The following PHTF1 variants were observed in gnomAD, a reference collection of about 807,000 sequenced individuals.
PHTF1 encodes putative homeodomain transcription factor 1.
A neutral mutation model predicts 102.4 loss-of-function variants in PHTF1; 88 were observed. The ratio of observed to expected loss-of-function variants is 0.86; its 90% CI spans 0.72 to 1.03. The LOEUF is 1.03. Among genes scored for constraint, PHTF1 ranks in the 50% least tolerant of loss-of-function variants. The probability of loss-of-function intolerance (pLI) is 0.00; values close to 1 mark genes in which losing one functional copy is unlikely to be tolerated. For synonymous variants in PHTF1, 289 were observed against 305.2 expected (o/e 0.95, Z 0.55); for missense variants, 814 against 909.5 (o/e 0.89, Z 1.35).
At chr1:113,722,167 C>T (rs568168513) in intron 7 of PHTF1, among the ~76,000 whole-genome samples, 10 of 151,932 alleles carry the variant, frequency 6.6e-5, no homozygotes, top group South Asian at 6.2e-4. Context: ...TTGAAGAGAA[C>T]GCAGCCGGGC....
rs758995109 is a variant in PHTF1, at chr1:113,704,050, T to C, written c.1890+31A>G. 24 of 1,444,866 alleles carry C rather than the reference T, an allele frequency of 1.7e-5. No individual in the cohort carries two copies. The East Asian group carries it at 5.0e-4, about 30-fold the overall frequency. 89.5% of individuals were successfully genotyped at this position (1,444,866 alleles called of 1,614,324 possible). On this transcript the variant is annotated intron_variant, in intron 15 of 18. Transcript: ENST00000369604. ...AGTGAACTCTATAATAGAATTTTCATTTTTCCTTAAAGCAGATGTGAAACT... is the reference window on the plus strand; with the variant it reads ...AGTGAACTCTATAATAGAATTTTCACTTTTCCTTAAAGCAGATGTGAAACT...
intron 7 of PHTF1, among the ~76,000 whole-genome samples, chr1:113,720,084 G>A (rs560684817): frequency 8.5e-5 from 13 of 152,266 alleles, no homozygotes; most frequent in Admixed American, 4.6e-4. Flanking sequence ...CCTGCAATAC[G>A]TGGGAATTCT....
intron 7 of PHTF1, among the ~76,000 whole-genome samples, chr1:113,716,403 G>A (rs1266853640): frequency 2.4e-5 from 3 of 125,372 alleles, no homozygotes; most frequent in Non-Finnish European, 4.7e-5. Context: ...GGAGTTCACT[G>A]TCACAATTAC....
At chr1:113,750,851 A>AG (rs1657973474) in intron 3 of PHTF1, among the ~76,000 whole-genome samples, 1 of 152,114 alleles carries the variant, frequency 6.6e-6, no homozygotes, top group South Asian at 2.1e-4. Flanking sequence ...CTCCAAAAAA[A>AG]AAAAAAAAAG....
chr1:113,748,604 G>A (rs750138855), intron 3 of PHTF1, among the ~76,000 whole-genome samples: 5 of 152,048 alleles, frequency 3.3e-5, no homozygotes, highest in Non-Finnish European at 5.9e-5. Flanking sequence ...GTGCAATCAC[G>A]GCTCACTGCA....
chr1:113,751,551 A>G (rs1490679327), intron 3 of PHTF1, among the ~76,000 whole-genome samples: 1 of 152,192 alleles, frequency 6.6e-6, no homozygotes, highest in Non-Finnish European at 1.5e-5. Flanking sequence ...TTATTGCTGA[A>G]TTGTATTTCA....
At position 113,724,859 on chromosome 1, in the gene PHTF1, G is replaced by A. The variant is rs747286651; in HGVS notation, c.523C>T (p.Arg175Ter). The change falls in exon 7 of 19, where the codon CGA becomes TGA. Residue 175 changes from arginine (R) to a stop codon, truncating the protein, a stop_gained. Coordinates refer to ENST00000369604, the MANE Select transcript of PHTF1 (RefSeq NM_001323043.2). LOFTEE classifies it high-confidence loss of function. ...LRKTVNGDGS[R>*]ENGNNSSDKV... Reference sequence around the variant, plus strand: ...TCAGAGGAGTTATTTCCATTTTCTCGGCTCCCATCACCATTTACAGTTTTT... The same window carrying A: ...TCAGAGGAGTTATTTCCATTTTCTCAGCTCCCATCACCATTTACAGTTTTT... The A allele has an allele frequency of 1.3e-5, 21 of 1,605,298 alleles. No homozygotes were observed. Among genetic ancestry groups the A allele is most frequent in the Non-Finnish European group, 1.6e-5 (19 of 1,175,436 alleles).
intron 5 of PHTF1, among the ~76,000 whole-genome samples, chr1:113,736,144 C>A (rs1655447212): frequency 6.6e-6 from 1 of 150,914 alleles, no homozygotes; most frequent in South Asian, 2.1e-4. Flanking sequence ...AGATCGAGAC[C>A]ATCCTGGCTA....
At position 113,726,679 on chromosome 1, in the gene PHTF1, T is replaced by A. The variant is rs955164050; in HGVS notation, c.332-105A>T. 8.0e-6 allele frequency: 6 copies of A among 749,352 alleles called. No individual in the cohort carries two copies. The African/African-American group carries it at 9.1e-5, about 11-fold the overall frequency. 46.4% of individuals were successfully genotyped at this position (749,352 alleles called of 1,614,324 possible). The stretch of plus-strand genomic sequence containing the variant: ...TATAAAAATCCATCATTTAAAAAAG[T>A]ACACAAATAAATAGTTTCCTACAAT... On this transcript the variant is annotated intron_variant, in intron 5 of 18. Transcript: ENST00000369604.
Position 113,698,259 on chromosome 1 carries a change from TACTCTTA to T in PHTF1, c.2264_2268+2del. On this transcript the variant is annotated splice_donor_variant and coding_sequence_variant, in exon 18 of 19. Transcript: ENST00000369604. LOFTEE classifies it high-confidence loss of function. ...GATGCTACAGAGTGGTGGTGATACT[TACTCTTA>T]TATTAAATCCTAGAAGATCACTTAT... 1 of 1,603,154 alleles carries T rather than the reference TACTCTTA, an allele frequency of 6.2e-7. No individual in the cohort carries two copies. Among genetic ancestry groups the T allele is most frequent in the Non-Finnish European group, 8.5e-7 (1 of 1,171,604 alleles).
chr1:113,728,179 G>C (rs1036999489), intron 5 of PHTF1, among the ~76,000 whole-genome samples: 1 of 152,178 alleles, frequency 6.6e-6, no homozygotes. Flanking sequence ...CACAGAATGA[G>C]AGAAAGTCTT....
chr1:113,741,014 G>C (rs1171627502), intron 3 of PHTF1, among the ~76,000 whole-genome samples: 3 of 152,170 alleles, frequency 2.0e-5, no homozygotes, highest in Admixed American at 1.3e-4. Context: ...CTGGGTGACA[G>C]AGCAAGACCC....
intron 3 of PHTF1, among the ~76,000 whole-genome samples, chr1:113,740,062 C>T (rs1043721034): frequency 1.3e-5 from 2 of 152,140 alleles, no homozygotes; most frequent in Non-Finnish European, 2.9e-5. Flanking sequence ...GATATCCCTT[C>T]GACATACAGA....
At chr1:113,727,828 A>G (rs932726315) in intron 5 of PHTF1, among the ~76,000 whole-genome samples, 3 of 152,048 alleles carry the variant, frequency 2.0e-5, no homozygotes, top group Non-Finnish European at 4.4e-5. Context: ...TTAGCCAAAC[A>G]TGGTGGCACG....
upstream of PHTF1, chr1:113,759,500 G>C (rs966416332): frequency 1.3e-5 from 2 of 152,256 alleles, no homozygotes; most frequent in South Asian, 2.1e-4. Flanking sequence ...ATCTGGGCTA[G>C]AGCCGCTCAG....
intron 14 of PHTF1, 90 bp from the exon 15 acceptor site, chr1:113,704,257 C>G (rs780119187): frequency 1.2e-5 from 8 of 650,856 alleles, no homozygotes; most frequent in Non-Finnish European, 2.1e-5. Flanking sequence ...GTACTACATT[C>G]GTGTGAAAAT....
chr1:113,712,242 C>T (rs1317853723), intron 8 of PHTF1, 129 bp from the exon 9 acceptor site: 3 of 646,160 alleles, frequency 4.6e-6, no homozygotes, highest in Non-Finnish European at 8.1e-6. Context: ...CAAAACTGAA[C>T]AAATCCATAT....
rs1204203812 is a variant in PHTF1 at position 113,726,524 on chromosome 1, C to T, written c.382G>A (p.Val128Ile). The change falls in exon 6 of 19, where the codon GTA becomes ATA. Residue 128 changes from valine (V) to isoleucine (I), a missense_variant. By Grantham distance (29) the Val-to-Ile change is conservative. Transcript: ENST00000369604. ...LMMPIVNISE[V>I]LGPLCLMLLM... ...AGCATAAGGCACAAGGGTCCAAGTACTTCACTTATGTTCACAATAGGCATC... is the reference window on the plus strand; with the variant it reads ...AGCATAAGGCACAAGGGTCCAAGTATTTCACTTATGTTCACAATAGGCATC... The T allele has an allele frequency of 1.2e-6, 2 of 1,608,174 alleles. No individual in the cohort carries two copies. The highest frequency in any genetic ancestry group is 3.4e-5 in the Admixed American group (2 of 59,254).
At chr1:113,703,876 A>G in intron 15 of PHTF1, 4 of 493,312 alleles carry the variant, frequency 8.1e-6, no homozygotes, top group South Asian at 4.1e-5. Flanking sequence ...AACTAAAATT[A>G]GAGCGATCTT....
Sources: allele counts gnomAD v4.1 joint callset (sites outside exome capture counted in the v4.1 genomes callset), GRCh38; gene constraint gnomAD v4.1.1; transcripts MANE v1.5; gene names NCBI Gene and HGNC (gene_info 2026-07-23, HGNC 2026-07-21).